SORCS3: variants seen among roughly 807,000 people sequenced by gnomAD.
SORCS3 encodes the protein sortilin related VPS10 domain containing receptor 3.
In SORCS3, 57 loss-of-function variants were observed where a neutral mutation model predicts 146.3. The observed-to-expected ratio is 0.39, with a 90% confidence interval of 0.31 to 0.49. The LOEUF (loss-of-function observed/expected upper bound fraction) is 0.49, where lower values mean the gene tolerates loss of function less well. Ranked by LOEUF, SORCS3 falls within the 20% of genes least tolerant of loss-of-function variation. The pLI is 0.92. For synonymous variants in SORCS3, 653 were observed against 618.5 expected, an observed-to-expected ratio of 1.06 and a Z score of -0.83; for missense variants, 1,341 against 1,575.5, an observed-to-expected ratio of 0.85 and a Z score of 2.52.
intron 3 of SORCS3, among the ~76,000 whole-genome samples, chr10:104,958,435 G>T (rs2133632697): frequency 6.6e-6 from 1 of 152,248 alleles, no homozygotes; most frequent in Non-Finnish European, 1.5e-5. Flanking sequence ...GGGAATTAAA[G>T]TTCTAGATTG....
chr10:105,209,195 G>A (rs1023584377), intron 16 of SORCS3, among the ~76,000 whole-genome samples: 1 of 152,066 alleles, frequency 6.6e-6, no homozygotes, highest in Non-Finnish European at 1.5e-5. Context: ...AGGCTGGAGT[G>A]CAGTGGTGCG....
chr10:104,818,043 A>G (rs908082913), intron 1 of SORCS3, among the ~76,000 whole-genome samples: 3 of 152,082 alleles, frequency 2.0e-5, no homozygotes, highest in Admixed American at 6.5e-5. Flanking sequence ...ATGATTAAAC[A>G]TGTTTGGCCT....
intron 7 of SORCS3, among the ~76,000 whole-genome samples, chr10:105,107,982 C>T (rs191497507): frequency 6.6e-6 from 1 of 152,112 alleles, no homozygotes; most frequent in East Asian, 1.9e-4. Context: ...TTTATTAACG[C>T]TATCTGTAAA....
At chr10:105,058,114 A>G (rs780465737) in intron 5 of SORCS3, among the ~76,000 whole-genome samples, 3 of 152,218 alleles carry the variant, frequency 2.0e-5, no homozygotes, top group Admixed American at 1.3e-4. Flanking sequence ...ACTGTGCACA[A>G]TGGAGGCAGA....
At chr10:104,987,105 C>T (rs1321779206) in intron 4 of SORCS3, among the ~76,000 whole-genome samples, 1 of 150,230 alleles carries the variant, frequency 6.7e-6, no homozygotes, top group Non-Finnish European at 1.5e-5. Context: ...CAACTGCGTA[C>T]ATAATATATA....
chr10:105,019,131 T>C (rs1431701816), intron 4 of SORCS3, among the ~76,000 whole-genome samples: 3 of 152,200 alleles, frequency 2.0e-5, no homozygotes, highest in African/African-American at 7.2e-5. Context: ...CTTTGCCTCT[T>C]CCATTTAAGC....
rs369244939 is a variant in SORCS3, at chr10:105,193,882, AGAG to A, written c.2010-6113_2010-6111del. Among the ~76,000 whole-genome samples the A allele has an allele frequency of 5.3e-5, 8 of 152,288 alleles. No homozygotes were observed. The South Asian group carries it at 1.7e-3, about 32-fold the overall frequency. ...GTTAGCAGTGTAGGCATTTAGAATC[AGAG>A]GAGTTTTAGAAAAAGACAGAGATGG... On this transcript the variant is annotated intron_variant, in intron 14 of 26. Coordinates refer to ENST00000369701, the MANE Select transcript of SORCS3 (RefSeq NM_014978.3).
At chr10:105,097,983 G>A (rs908522773) in intron 6 of SORCS3, among the ~76,000 whole-genome samples, 1 of 152,144 alleles carries the variant, frequency 6.6e-6, no homozygotes, top group African/African-American at 2.4e-5. Context: ...AGCAATCACG[G>A]CACTTCTTCT....
At chr10:104,862,544 G>A (rs180757269) in intron 2 of SORCS3, among the ~76,000 whole-genome samples, 5 of 151,042 alleles carry the variant, frequency 3.3e-5, no homozygotes, top group Non-Finnish European at 5.9e-5. Context: ...CTTCCAGTTT[G>A]TTCTCCACTT....
At chr10:104,687,456 A>C (rs1423425680) in intron 1 of SORCS3, among the ~76,000 whole-genome samples, 1 of 152,202 alleles carries the variant, frequency 6.6e-6, no homozygotes, top group Non-Finnish European at 1.5e-5. Flanking sequence ...AAAATGAGAC[A>C]ACCCCACATT....
chr10:104,797,979 C>T (rs1224894266), intron 1 of SORCS3, among the ~76,000 whole-genome samples: 2 of 152,126 alleles, frequency 1.3e-5, no homozygotes, highest in African/African-American at 4.8e-5. Context: ...GTCTAACAAG[C>T]CCAGAAGTGT....
At chr10:105,096,033 T>C (rs950787411) in intron 6 of SORCS3, among the ~76,000 whole-genome samples, 2 of 152,032 alleles carry the variant, frequency 1.3e-5, no homozygotes, top group African/African-American at 4.8e-5. Context: ...TCCACTCCTC[T>C]GTAATGGAAC....
intron 6 of SORCS3, among the ~76,000 whole-genome samples, chr10:105,091,698 G>A (rs183040159): frequency 1.6e-4 from 24 of 152,216 alleles, no homozygotes; most frequent in African/African-American, 5.5e-4. Context: ...AGAAGATACT[G>A]TCACACACTT....
chr10:105,125,044 T>G (rs2055963428), intron 7 of SORCS3, among the ~76,000 whole-genome samples: 1 of 152,202 alleles, frequency 6.6e-6, no homozygotes, highest in South Asian at 2.1e-4. Context: ...CATAGTTTCT[T>G]CTTAGGTGTT....
At chr10:104,685,280 G>A (rs2016031335) in intron 1 of SORCS3, among the ~76,000 whole-genome samples, 1 of 152,182 alleles carries the variant, frequency 6.6e-6, no homozygotes, top group African/African-American at 2.4e-5. Flanking sequence ...GAGAAAGGAT[G>A]CTGCTCTGTG....
At chr10:104,894,521 G>A (rs1383560974) in intron 2 of SORCS3, among the ~76,000 whole-genome samples, 1 of 152,214 alleles carries the variant, frequency 6.6e-6, no homozygotes, top group Non-Finnish European at 1.5e-5. Flanking sequence ...TGAGGAGGAG[G>A]AGGTTCAGAA....
intron 17 of SORCS3, 104 bp from the exon 18 acceptor site, chr10:105,214,338 G>T: frequency 1.6e-6 from 2 of 1,271,742 alleles, no homozygotes; most frequent in Admixed American, 1.9e-5. Flanking sequence ...CACCTGTTTT[G>T]CTCTTGCTCT....
At chr10:105,228,360 CTTTCTTTCTCTCT>C (rs1209163776) in intron 20 of SORCS3, among the ~76,000 whole-genome samples, 1 of 151,530 alleles carries the variant, frequency 6.6e-6, no homozygotes, top group Middle Eastern at 3.4e-3. Flanking sequence ...CTTTCCCTTT[CTTTCTTTCTCTCT>C]TTTCTTTCTT....
chr10:104,888,518 T>C (rs2018715950), intron 2 of SORCS3, among the ~76,000 whole-genome samples: 1 of 151,772 alleles, frequency 6.6e-6, no homozygotes, highest in South Asian at 2.1e-4. Flanking sequence ...TCCATTCTTA[T>C]TTCACTACTT....
Sources: gnomAD v4.1 joint callset for allele counts (sites outside exome capture counted in the v4.1 genomes callset) on GRCh38, gnomAD v4.1.1 for gene constraint, MANE v1.5 for transcripts, NCBI Gene and HGNC (gene_info 2026-07-23, HGNC 2026-07-21) for gene names.